The following WDR27 variants were observed in gnomAD, a reference collection of about 807,000 sequenced individuals.
WDR27 encodes WD repeat domain 27, also known as WD repeat-containing protein 27.
A neutral mutation model predicts 114.4 loss-of-function variants in WDR27; 100 were observed. That is an observed-to-expected ratio of 0.87 (90% CI 0.74 to 1.03). WDR27 has a LOEUF of 1.03. Ranked by LOEUF, WDR27 falls within the 50% of genes least tolerant of loss-of-function variation. The pLI, the probability that WDR27 is intolerant of heterozygous loss-of-function variation, is 0.00. For synonymous variants in WDR27, 449 were observed against 423.1 expected (o/e 1.06, Z -0.75); for missense variants, 1,129 against 1,092.9 (o/e 1.03, Z -0.47).
At chr6:169,536,857 A>G (rs529872788) in intron 25 of WDR27, among the ~76,000 whole-genome samples, 1 of 152,256 alleles carries the variant, frequency 6.6e-6, no homozygotes, top group South Asian at 2.1e-4. Flanking sequence ...TGGGTAAGGT[A>G]CGTGGTTTAG....
chr6:169,523,878 G>A (rs993894655), intron 25 of WDR27, among the ~76,000 whole-genome samples: 1 of 152,000 alleles, frequency 6.6e-6, no homozygotes, highest in Non-Finnish European at 1.5e-5. Context: ...CTAAGATTTG[G>A]AACAAAACAA....
intron 2 of WDR27, among the ~76,000 whole-genome samples, chr6:169,680,499 G>A (rs931489777): frequency 6.6e-6 from 1 of 152,118 alleles, no homozygotes; most frequent in African/African-American, 2.4e-5. Flanking sequence ...GGAGAATGAC[G>A]TGAACCCGGG....
intron 1 of WDR27, among the ~76,000 whole-genome samples, chr6:169,691,889 T>C (rs532466383): frequency 6.6e-6 from 1 of 152,162 alleles, no homozygotes; most frequent in South Asian, 2.1e-4. Flanking sequence ...CCCACTAGGA[T>C]GGACTGAAAG....
chr6:169,660,041 C>T (rs913876601), intron 10 of WDR27, among the ~76,000 whole-genome samples: 1 of 151,796 alleles, frequency 6.6e-6, no homozygotes, highest in South Asian at 2.1e-4. Flanking sequence ...AGGAGCAGTG[C>T]CCGGGAGGCC....
intron 9 of WDR27, among the ~76,000 whole-genome samples, chr6:169,661,276 C>T (rs1317583790): frequency 6.6e-6 from 1 of 152,356 alleles, no homozygotes; most frequent in African/African-American, 2.4e-5. Context: ...AGGTAGCCTC[C>T]GAGTGACTAG....
intron 23 of WDR27, among the ~76,000 whole-genome samples, chr6:169,591,907 C>T (rs1330672142): frequency 6.6e-6 from 1 of 151,132 alleles, no homozygotes; most frequent in East Asian, 1.9e-4. Context: ...AGTCTTCTGC[C>T]ACAGACCTGG....
intron 25 of WDR27, among the ~76,000 whole-genome samples, chr6:169,474,722 A>C (rs1224456641): frequency 6.6e-6 from 1 of 152,222 alleles, no homozygotes; most frequent in African/African-American, 2.4e-5. Context: ...AATAATGAGA[A>C]TTACCCATAA....
At chr6:169,592,526 T>A (rs752114170) in intron 23 of WDR27, among the ~76,000 whole-genome samples, 6 of 152,218 alleles carry the variant, frequency 3.9e-5, no homozygotes, top group Non-Finnish European at 8.8e-5. Context: ...TTGAATTCCA[T>A]ATATTAGTTT....
intron 25 of WDR27, among the ~76,000 whole-genome samples, chr6:169,502,136 C>A (rs1791349786): frequency 6.6e-6 from 1 of 152,204 alleles, no homozygotes; most frequent in Non-Finnish European, 1.5e-5. Context: ...GGGAGTAGAT[C>A]TGGTGAGGAG....
chr6:169,530,107 T>C (rs1795412777), intron 25 of WDR27, among the ~76,000 whole-genome samples: 1 of 152,148 alleles, frequency 6.6e-6, no homozygotes, highest in South Asian at 2.1e-4. Context: ...CAGCAATGAG[T>C]GTTTGCAGAG....
intron 25 of WDR27, among the ~76,000 whole-genome samples, chr6:169,464,611 T>G (rs1018435468): frequency 1.3e-5 from 2 of 152,196 alleles, no homozygotes; most frequent in Non-Finnish European, 2.9e-5. Context: ...AGAAAATATT[T>G]GCAAATCATC....
At chr6:169,505,861 G>A (rs1315918013) in intron 25 of WDR27, among the ~76,000 whole-genome samples, 1 of 152,186 alleles carries the variant, frequency 6.6e-6, no homozygotes, top group Non-Finnish European at 1.5e-5. Flanking sequence ...GGGGACCTGA[G>A]AATCTGCTTG....
At position 169,502,167 on chromosome 6, in the gene WDR27, A is replaced by T. The variant is rs183690033; in HGVS notation, c.2646-44533T>A. On this transcript the variant is annotated intron_variant, in intron 25 of 25. Coordinates refer to ENST00000448612, the MANE Select transcript of WDR27 (RefSeq NM_182552.5). ...AGGAGATGAGGGAGGGCAGGAGAGC[A>T]GCAGGCCCCCATGCAGGGAGAGGAA... Among the ~76,000 whole-genome samples, 266 of 152,302 alleles carry T rather than the reference A, an allele frequency of 1.7e-3. 3 individuals carry two copies. Among genetic ancestry groups the T allele is most frequent in the African/African-American group, 5.9e-3 (247 of 41,588 alleles).
chr6:169,689,467 A>C (rs764385884), intron 1 of WDR27, among the ~76,000 whole-genome samples: 10 of 152,236 alleles, frequency 6.6e-5, no homozygotes, highest in Middle Eastern at 3.2e-3. Context: ...AGTTGTTAGG[A>C]AACTGCAATT....
At chr6:169,437,961 A>G in the WDR27 span, among the ~76,000 whole-genome samples, 17,366 of 152,030 alleles carry the variant, frequency 0.11, 1,236 homozygotes, top group African/African-American at 0.19. Flanking sequence ...TTATATGGGT[A>G]TACTGTGTGA....
chr6:169,538,307 T>A (rs1796419834), intron 25 of WDR27, among the ~76,000 whole-genome samples: 1 of 152,150 alleles, frequency 6.6e-6, no homozygotes, highest in African/African-American at 2.4e-5. Flanking sequence ...TAGAGTAGCA[T>A]GAAACTTCTT....
intron 25 of WDR27, among the ~76,000 whole-genome samples, chr6:169,570,443 G>GCTT (rs2128126326): frequency 6.6e-6 from 1 of 152,352 alleles, no homozygotes; most frequent in East Asian, 1.9e-4. Flanking sequence ...TGTACGTGAT[G>GCTT]CTTCACTCCC....
At chr6:169,498,793 C>T (rs1187278436) in intron 25 of WDR27, among the ~76,000 whole-genome samples, 1 of 152,120 alleles carries the variant, frequency 6.6e-6, no homozygotes, top group African/African-American at 2.4e-5. Flanking sequence ...AAATAGAGAA[C>T]AGATAGCAGT....
intron 23 of WDR27, among the ~76,000 whole-genome samples, chr6:169,596,899 T>C (rs1358777409): frequency 6.6e-6 from 1 of 152,174 alleles, no homozygotes; most frequent in African/African-American, 2.4e-5. Context: ...TGTTAAAGTC[T>C]TCCATTATGA....
Sources: gnomAD v4.1 joint callset for allele counts (sites outside exome capture counted in the v4.1 genomes callset) on GRCh38, gnomAD v4.1.1 for gene constraint, MANE v1.5 for transcripts, NCBI Gene and HGNC (gene_info 2026-07-23, HGNC 2026-07-21) for gene names.